Variants in MTSS1 observed in about 807,000 individuals in gnomAD.
MTSS1 encodes MTSS I-BAR domain containing 1.
Under a neutral mutation model 79.0 loss-of-function variants are expected in MTSS1, and 18 were observed. The observed-to-expected ratio is 0.23, with a 90% CI of 0.16 to 0.34. The LOEUF (loss-of-function observed/expected upper bound fraction) is 0.34, where lower values mean the gene tolerates loss of function less well. Among genes scored for constraint, MTSS1 ranks in the 10% least tolerant of loss-of-function variants. MTSS1 has a pLI of 1.00. For synonymous variants in MTSS1, 341 were observed against 368.6 expected (o/e 0.93, Z 0.86); for missense variants, 815 against 986.2 (o/e 0.83, Z 2.33).
At chr8:124,669,853 C>A (rs762428914) in intron 3 of MTSS1, among the ~76,000 whole-genome samples, 3 of 152,186 alleles carry the variant, frequency 2.0e-5, no homozygotes, top group Non-Finnish European at 2.9e-5. Context: ...GCAGATGGTA[C>A]GCGCGTCTTG....
intron 3 of MTSS1, among the ~76,000 whole-genome samples, chr8:124,679,241 A>C (rs745983644): frequency 6.6e-6 from 1 of 152,234 alleles, no homozygotes; most frequent in Non-Finnish European, 1.5e-5. Context: ...TAATCCTTGC[A>C]ACTGCTCTAA....
intron 1 of MTSS1, among the ~76,000 whole-genome samples, chr8:124,724,984 A>G (rs1016967683): frequency 4.6e-5 from 7 of 152,140 alleles, no homozygotes; most frequent in Non-Finnish European, 1.0e-4. Context: ...GCGATTTACT[A>G]ATTTGCATGG....
intron 10 of MTSS1, 90 bp downstream of exon 10, chr8:124,562,692 C>A: frequency 3.8e-6 from 5 of 1,315,470 alleles, no homozygotes; most frequent in Non-Finnish European, 4.3e-6. Context: ...AGGGGATTGT[C>A]TAAGCCAAGG....
chr8:124,568,724 T>A, intron 6 of MTSS1, 188 bp from the exon 7 acceptor site: 3 of 1,491,290 alleles, frequency 2.0e-6, no homozygotes, highest in Non-Finnish European at 2.7e-6. Flanking sequence ...CAATTTTCAA[T>A]GCCCAAAGGG....
At chr8:124,649,561 A>G (rs1176872039) in intron 3 of MTSS1, among the ~76,000 whole-genome samples, 4 of 152,178 alleles carry the variant, frequency 2.6e-5, no homozygotes, top group Admixed American at 1.3e-4. Flanking sequence ...GACAGAGTAC[A>G]CAAAAAGCTC....
chr8:124,706,375 G>T (rs548333624), intron 1 of MTSS1, among the ~76,000 whole-genome samples: 1 of 152,142 alleles, frequency 6.6e-6, no homozygotes, highest in Admixed American at 6.5e-5. Flanking sequence ...AAACAATAAA[G>T]TCATTGCATT....
chr8:124,603,991 C>T (rs1305400901), intron 3 of MTSS1, among the ~76,000 whole-genome samples: 1 of 152,120 alleles, frequency 6.6e-6, no homozygotes, highest in African/African-American at 2.4e-5. Context: ...CATGGTGGCT[C>T]ACCTAAGGTT....
intron 1 of MTSS1, among the ~76,000 whole-genome samples, chr8:124,722,290 TC>T (rs1833066085): frequency 6.6e-6 from 1 of 151,974 alleles, no homozygotes; most frequent in African/African-American, 2.4e-5. Context: ...CCCCAGAGAA[TC>T]TTAAACAACC....
rs554831545 is a variant in MTSS1, at chr8:124,589,917, C to T, written c.294-206G>A. Among the ~76,000 whole-genome samples the T allele has an allele frequency of 8.4e-4, 128 of 152,232 alleles. 1 individual carries two copies. The highest frequency in any genetic ancestry group is 1.7e-3 in the South Asian group (8 of 4,814). ...CTGTCACCAGGCTGGAGTGCAGTGG[C>T]GCGATCTCGGCTCACTGCAACCACC... On this transcript the variant is annotated intron_variant, in intron 4 of 13. Transcript: ENST00000518547.
At chr8:124,581,701 G>A (rs909079766) in intron 6 of MTSS1, among the ~76,000 whole-genome samples, 2 of 152,050 alleles carry the variant, frequency 1.3e-5, no homozygotes, top group African/African-American at 4.8e-5. Flanking sequence ...TGATGCACCC[G>A]CCTCAGCCTC....
intron 1 of MTSS1, among the ~76,000 whole-genome samples, chr8:124,707,636 A>C (rs1353557203): frequency 6.6e-6 from 1 of 151,988 alleles, no homozygotes; most frequent in Non-Finnish European, 1.5e-5. Context: ...TGAACCCGGA[A>C]AGTGGAGGTT....
chr8:124,635,928 C>T (rs1226076861), intron 3 of MTSS1, among the ~76,000 whole-genome samples: 1 of 152,056 alleles, frequency 6.6e-6, no homozygotes, highest in East Asian at 1.9e-4. Flanking sequence ...GTTACATACA[C>T]CAAGCACCTG....
At chr8:124,607,184 C>A (rs1181979014) in intron 3 of MTSS1, among the ~76,000 whole-genome samples, 1 of 152,222 alleles carries the variant, frequency 6.6e-6, no homozygotes, top group Non-Finnish European at 1.5e-5. Context: ...CCTGGCTCCT[C>A]CTCATCCCTC....
intron 3 of MTSS1, among the ~76,000 whole-genome samples, chr8:124,638,501 C>G (rs1389998087): frequency 6.6e-6 from 1 of 152,174 alleles, no homozygotes; most frequent in Admixed American, 6.5e-5. Flanking sequence ...CACAGACATT[C>G]CATTTCCAAA....
At chr8:124,678,166 T>A (rs370023668) in intron 3 of MTSS1, among the ~76,000 whole-genome samples, 2 of 152,252 alleles carry the variant, frequency 1.3e-5, no homozygotes, top group South Asian at 4.1e-4. Context: ...ATTTTAGAGA[T>A]GAGTTTGGCC....
At chr8:124,568,703 C>A in intron 6 of MTSS1, 167 bp from the exon 7 acceptor site, 1 of 1,467,530 alleles carries the variant, frequency 6.8e-7, no homozygotes, top group Non-Finnish European at 9.1e-7. Flanking sequence ...TTTTCTAGGA[C>A]CAGCCATTTC....
At chr8:124,719,936 C>T (rs1324707963) in intron 1 of MTSS1, among the ~76,000 whole-genome samples, 5 of 152,200 alleles carry the variant, frequency 3.3e-5, no homozygotes, top group Non-Finnish European at 7.3e-5. Context: ...GCTCAGTAAA[C>T]TTAACTTGCT....
At chr8:124,588,936 GAC>G (rs1831347543) in intron 5 of MTSS1, among the ~76,000 whole-genome samples, 1 of 151,160 alleles carries the variant, frequency 6.6e-6, no homozygotes, top group African/African-American at 2.4e-5. Flanking sequence ...GCTGGTCTCA[GAC>G]TCCTGGACTC....
chr8:124,565,605 T>G (rs1395028705), intron 9 of MTSS1, 57 bp downstream of exon 9: 3 of 1,472,816 alleles, frequency 2.0e-6, no homozygotes, highest in African/African-American at 2.8e-5. Flanking sequence ...TTGCTCACAT[T>G]AGCATAAAGA....
Sources: gnomAD v4.1 joint callset for allele counts (sites outside exome capture counted in the v4.1 genomes callset) on GRCh38, gnomAD v4.1.1 for gene constraint, MANE v1.5 for transcripts, NCBI Gene and HGNC (gene_info 2026-07-23, HGNC 2026-07-21) for gene names.